Variants in SPNS3 observed in about 807,000 individuals in gnomAD.
SPNS3 encodes the protein protein spinster homolog 3.
Under a neutral mutation model 54.4 loss-of-function variants are expected in SPNS3, and 51 were observed. That is an observed-to-expected ratio of 0.94 (90% CI 0.75 to 1.18). The LOEUF is 1.18. SPNS3 is among the 50% of genes most tolerant of loss of function. SPNS3 has a pLI of 0.00. For missense variants in SPNS3, 669 were observed against 677.4 expected (o/e 0.99, Z 0.14); for synonymous variants, 309 against 294.7 (o/e 1.05, Z -0.50).
At chr17:4,469,277 G>A (rs1971791141) in intron 8 of SPNS3, among the ~76,000 whole-genome samples, 1 of 151,786 alleles carries the variant, frequency 6.6e-6, no homozygotes, top group African/African-American at 2.4e-5. Flanking sequence ...TGTAGAGACG[G>A]GGTTTCACTA....
In SPNS3 at chr17:4,435,933, A is replaced by G. The variant is rs575749896; in HGVS notation, c.199+1767A>G. 3.9e-5 allele frequency among the ~76,000 whole-genome samples: 6 copies of G among 152,344 alleles called. No homozygotes were observed. The East Asian group carries it at 9.6e-4, about 24-fold the overall frequency. On this transcript the variant is annotated intron_variant, in intron 1 of 11. Coordinates refer to ENST00000355530, the MANE Select transcript of SPNS3 (RefSeq NM_182538.5). ...GGCGACAGAGCGAGACTCCGTCTCAAACAAAGACAACAACAATAACAACAG... is the reference window on the plus strand; with the variant it reads ...GGCGACAGAGCGAGACTCCGTCTCAGACAAAGACAACAACAATAACAACAG...
intron 2 of SPNS3, among the ~76,000 whole-genome samples, chr17:4,444,398 T>C (rs548956941): frequency 6.6e-6 from 1 of 151,956 alleles, no homozygotes; most frequent in South Asian, 2.1e-4. Flanking sequence ...TGTATTTTTT[T>C]TTTTAGTAGA....
At chr17:4,452,704 C>T (rs1374779976) in intron 7 of SPNS3, among the ~76,000 whole-genome samples, 1 of 151,732 alleles carries the variant, frequency 6.6e-6, no homozygotes, top group Non-Finnish European at 1.5e-5. Flanking sequence ...GGGTAAGGGT[C>T]AATGGAGATG....
intron 8 of SPNS3, 90 bp from the exon 9 acceptor site, chr17:4,478,482 C>A: frequency 1.7e-6 from 2 of 1,175,968 alleles, no homozygotes; most frequent in Non-Finnish European, 2.5e-6. Flanking sequence ...CTGTAGCGTC[C>A]CAGTCTCTCC....
rs1272109713 is a variant in SPNS3, at chr17:4,486,353, G to A, written c.1278+27G>A. On this transcript the variant is annotated intron_variant, in intron 10 of 11. Coordinates refer to ENST00000355530, the MANE Select transcript of SPNS3 (RefSeq NM_182538.5). This position sits in a 1 kb window ranked among gnomAD's most constrained non-coding sequence, Gnocchi z 5.5. ...TAAGACGTGTCTGCGTGTGTGGGGT[G>A]GGGAGGGTCTGGGGGCCAGGCTGGT... 7.5e-6 allele frequency: 12 copies of A among 1,600,308 alleles called. No individual in the cohort carries two copies. In the Admixed American group the frequency reaches 1.9e-4, roughly 26 times the overall value.
intron 2 of SPNS3, among the ~76,000 whole-genome samples, chr17:4,440,393 C>T (rs768573975): frequency 6.6e-6 from 1 of 152,226 alleles, no homozygotes; most frequent in Non-Finnish European, 1.5e-5. Flanking sequence ...AACCAGCAGG[C>T]ACCGAGGGTC....
intron 5 of SPNS3, 105 bp downstream of exon 5, chr17:4,447,067 G>A: frequency 9.3e-7 from 1 of 1,071,662 alleles, no homozygotes; most frequent in Non-Finnish European, 1.3e-6. Context: ...GGCGCCATTA[G>A]GGGGACGGGG....
chr17:4,452,988 C>A (rs1365717347), intron 7 of SPNS3, 28 bp from the exon 8 acceptor site: 2 of 1,601,530 alleles, frequency 1.2e-6, no homozygotes, highest in Non-Finnish European at 1.7e-6. Context: ...ACCCAGCTGA[C>A]CAACCCTTCT....
intron 7 of SPNS3, among the ~76,000 whole-genome samples, chr17:4,451,724 G>A (rs1470666426): frequency 6.6e-6 from 1 of 151,942 alleles, no homozygotes; most frequent in Non-Finnish European, 1.5e-5. Flanking sequence ...CTGGAGTGCA[G>A]TGGTGTGATC....
At chr17:4,452,355 T>G (rs74629342) in intron 7 of SPNS3, among the ~76,000 whole-genome samples, 8,929 of 152,124 alleles carry the variant, frequency 0.059, 326 homozygotes, top group Middle Eastern at 0.13. Flanking sequence ...TGGGGAGCCT[T>G]TGTGGAGGTT....
At chr17:4,457,958 C>A (rs754601451) in intron 8 of SPNS3, among the ~76,000 whole-genome samples, 1 of 152,108 alleles carries the variant, frequency 6.6e-6, no homozygotes, top group South Asian at 2.1e-4. Flanking sequence ...TGGTACCCAC[C>A]GATGCTGAGC....
chr17:4,466,426 C>T (rs1450820473), intron 8 of SPNS3, among the ~76,000 whole-genome samples: 1 of 150,724 alleles, frequency 6.6e-6, no homozygotes, highest in Non-Finnish European at 1.5e-5. Context: ...TGTAATCCCA[C>T]CTATTTGGGA....
At chr17:4,469,783 T>G (rs1971807608) in intron 8 of SPNS3, among the ~76,000 whole-genome samples, 3 of 152,164 alleles carry the variant, frequency 2.0e-5, no homozygotes, top group African/African-American at 7.2e-5. Context: ...CAGTCAAGGC[T>G]GTGAATGCGC....
intron 8 of SPNS3, 132 bp downstream of exon 8, chr17:4,453,337 C>A: frequency 1.2e-6 from 1 of 865,768 alleles, no homozygotes; most frequent in Non-Finnish European, 1.7e-6. Flanking sequence ...GCTTGTTATC[C>A]CCATTTTACA....
rs1315094264 is a variant in SPNS3 at position 4,486,902 on chromosome 17, G to A, written c.1450+319G>A. Among the ~76,000 whole-genome samples, 1 of 152,110 alleles carries A rather than the reference G, an allele frequency of 6.6e-6. No homozygotes were observed. The highest frequency in any genetic ancestry group is 2.4e-5 in the African/African-American group (1 of 41,410). On this transcript the variant is annotated intron_variant, in intron 11 of 11. Coordinates refer to ENST00000355530, the MANE Select transcript of SPNS3 (RefSeq NM_182538.5). This position sits in a 1 kb window ranked among gnomAD's most constrained non-coding sequence, Gnocchi z 5.5. ...AAGGAAGGAGAAAGGGGCCGGGCGC[G>A]GTGGCTCACACCTGTAATCCCAGTA...
intron 8 of SPNS3, 102 bp from the exon 9 acceptor site, chr17:4,478,470 C>T: frequency 9.6e-7 from 1 of 1,046,842 alleles, no homozygotes; most frequent in Non-Finnish European, 1.4e-6. Context: ...TAATGCCTTT[C>T]TCTGTAGCGT....
chr17:4,436,103 C>A (rs562657388), intron 1 of SPNS3, among the ~76,000 whole-genome samples: 1 of 152,270 alleles, frequency 6.6e-6, no homozygotes, highest in African/African-American at 2.4e-5. Context: ...CAGGAATGAC[C>A]ATCTCATGGG....
intron 8 of SPNS3, among the ~76,000 whole-genome samples, chr17:4,459,530 G>A (rs74389033): frequency 6.6e-6 from 1 of 152,002 alleles, no homozygotes; most frequent in Non-Finnish European, 1.5e-5. Context: ...TGGGCAACAC[G>A]GCAAAACCCT....
At chr17:4,450,238 T>C (rs1971121513) in intron 7 of SPNS3, among the ~76,000 whole-genome samples, 1 of 151,600 alleles carries the variant, frequency 6.6e-6, no homozygotes, top group Non-Finnish European at 1.5e-5. Context: ...GCCTACCTTC[T>C]CCTTCCCTCC....
Sources: gnomAD v4.1 joint callset for allele counts (sites outside exome capture counted in the v4.1 genomes callset) on GRCh38, gnomAD v4.1.1 for gene constraint, Gnocchi (gnomAD v3.1) non-coding constraint, MANE v1.5 for transcripts, NCBI Gene and HGNC (gene_info 2026-07-23, HGNC 2026-07-21) for gene names.